The following PLEKHM3 variants were observed in gnomAD, a reference collection of about 807,000 sequenced individuals.
PLEKHM3 encodes pleckstrin homology domain-containing family M member 3.
In PLEKHM3, 45 loss-of-function variants were observed where a neutral mutation model predicts 81.8. The observed-to-expected ratio is 0.55, with a 90% confidence interval of 0.43 to 0.71. The LOEUF (loss-of-function observed/expected upper bound fraction) is 0.71, where lower values mean the gene tolerates loss of function less well. Among genes scored for constraint, PLEKHM3 ranks in the 30% least tolerant of loss-of-function variants. PLEKHM3 has a pLI of 0.00. For missense variants in PLEKHM3, 788 were observed against 924.3 expected, an observed-to-expected ratio of 0.85 and a Z score of 1.91; for synonymous variants, 352 against 356.4, an observed-to-expected ratio of 0.99 and a Z score of 0.14.
chr2:207,872,318 G>A (rs929190375), intron 6 of PLEKHM3, among the ~76,000 whole-genome samples: 1 of 152,170 alleles, frequency 6.6e-6, no homozygotes, highest in Admixed American at 6.5e-5. Context: ...CCCAGGTTTA[G>A]ATCCACAGTT....
intron 2 of PLEKHM3, among the ~76,000 whole-genome samples, chr2:207,982,529 C>T (rs1691566634): frequency 6.6e-6 from 1 of 151,754 alleles, no homozygotes; most frequent in African/African-American, 2.4e-5. Context: ...CTTGGCCTGC[C>T]AAAGTGCTGG....
At chr2:208,024,860 T>C (rs1693274038) in intron 1 of PLEKHM3, among the ~76,000 whole-genome samples, 1 of 152,222 alleles carries the variant, frequency 6.6e-6, no homozygotes, top group East Asian at 1.9e-4. Flanking sequence ...TATATCTCAG[T>C]AGTAATTTAT....
At chr2:207,845,150 G>C (rs921883974) in intron 7 of PLEKHM3, among the ~76,000 whole-genome samples, 10 of 152,166 alleles carry the variant, frequency 6.6e-5, no homozygotes, top group Admixed American at 2.6e-4. Context: ...CAGGGGCTTA[G>C]TAAAAGTGTG....
chr2:207,842,231 G>A (rs1194149375), intron 7 of PLEKHM3, among the ~76,000 whole-genome samples: 2 of 152,162 alleles, frequency 1.3e-5, no homozygotes, highest in African/African-American at 2.4e-5. Flanking sequence ...ACCGCGCCTG[G>A]CCCCCATCTT....
chr2:207,935,789 A>T (rs1689731065), intron 4 of PLEKHM3, among the ~76,000 whole-genome samples: 1 of 152,192 alleles, frequency 6.6e-6, no homozygotes, highest in Non-Finnish European at 1.5e-5. Flanking sequence ...CTATCAGCTT[A>T]TCACTTCATA....
At position 207,911,929 on chromosome 2, in the gene PLEKHM3, A is replaced by G. The variant is rs186169343; in HGVS notation, c.1887-3352T>C. Among the ~76,000 whole-genome samples, 116 of 152,320 alleles carry G rather than the reference A, an allele frequency of 7.6e-4. 1 individual carries two copies. The Middle Eastern group carries it at 0.017, about 22-fold the overall frequency. Reference sequence around the variant, plus strand: ...AAAGTCCTTTCTGCTTTAAAATTCTAAAACTTTTATGATTAGGGATATACA... The same window carrying G: ...AAAGTCCTTTCTGCTTTAAAATTCTGAAACTTTTATGATTAGGGATATACA... On this transcript the variant is annotated intron_variant, in intron 5 of 7. Transcript: ENST00000427836.
rs150268878 is a variant in PLEKHM3, at chr2:207,917,662, T to C, written c.1887-9085A>G. On this transcript the variant is annotated intron_variant, in intron 5 of 7. Coordinates refer to ENST00000427836, the MANE Select transcript of PLEKHM3 (RefSeq NM_001080475.3). ...TTTGAGAGGAGCCCTAGCAACATAG[T>C]GAGACTCTGTCTCTACAAAAACAAA... Among the ~76,000 whole-genome samples the C allele has an allele frequency of 9.2e-5, 14 of 152,142 alleles. No individual in the cohort carries two copies. In the East Asian group the frequency reaches 2.7e-3, roughly 29 times the overall value.
At chr2:208,006,928 T>C (rs901669785) in intron 1 of PLEKHM3, among the ~76,000 whole-genome samples, 1 of 152,202 alleles carries the variant, frequency 6.6e-6, no homozygotes, top group African/African-American at 2.4e-5. Context: ...AAGAAATCTG[T>C]TTTTTACATG....
intron 6 of PLEKHM3, among the ~76,000 whole-genome samples, chr2:207,889,652 G>C (rs922741932): frequency 6.6e-6 from 1 of 152,062 alleles, no homozygotes; most frequent in Admixed American, 6.6e-5. Context: ...TGGAAGAGGT[G>C]GGGGTGGAAA....
At chr2:207,886,129 A>AT (rs1687878126) in intron 6 of PLEKHM3, among the ~76,000 whole-genome samples, 1 of 152,312 alleles carries the variant, frequency 6.6e-6, no homozygotes, top group East Asian at 1.9e-4. Context: ...AAAAAAGGGG[A>AT]TTTTAACACC....
intron 7 of PLEKHM3, among the ~76,000 whole-genome samples, chr2:207,840,433 T>C (rs1465241515): frequency 6.6e-6 from 1 of 152,172 alleles, no homozygotes; most frequent in Non-Finnish European, 1.5e-5. Flanking sequence ...CTGGCCTCAA[T>C]GGATCTCCTG....
At chr2:207,922,736 C>T (rs919532175) in intron 5 of PLEKHM3, among the ~76,000 whole-genome samples, 6 of 151,792 alleles carry the variant, frequency 4.0e-5, no homozygotes, top group East Asian at 1.9e-4. Context: ...GGTGTGAACC[C>T]GGGAGGCAGA....
At chr2:207,882,542 G>A (rs915773611) in intron 6 of PLEKHM3, among the ~76,000 whole-genome samples, 19 of 147,698 alleles carry the variant, frequency 1.3e-4, no homozygotes, top group African/African-American at 4.8e-4. Context: ...AACCCGGGAG[G>A]CAGAGGTTGC....
intron 3 of PLEKHM3, among the ~76,000 whole-genome samples, chr2:207,954,634 T>C (rs1226999601): frequency 6.6e-6 from 1 of 152,204 alleles, no homozygotes; most frequent in Non-Finnish European, 1.5e-5. Flanking sequence ...GAATACTAAT[T>C]GGTTTAAAAT....
At chr2:207,986,739 T>C (rs1440722304) in intron 2 of PLEKHM3, among the ~76,000 whole-genome samples, 3 of 151,322 alleles carry the variant, frequency 2.0e-5, no homozygotes, top group African/African-American at 7.3e-5. Flanking sequence ...GGCATGATCA[T>C]GGCTCACGGC....
chr2:207,878,186 C>A (rs2092568891), intron 6 of PLEKHM3, among the ~76,000 whole-genome samples: 1 of 152,166 alleles, frequency 6.6e-6, no homozygotes, highest in Non-Finnish European at 1.5e-5. Flanking sequence ...GATCCTCCTG[C>A]CTTGGCCTCC....
intron 6 of PLEKHM3, among the ~76,000 whole-genome samples, chr2:207,875,052 T>A (rs1055564876): frequency 1.1e-4 from 17 of 152,022 alleles, no homozygotes; most frequent in African/African-American, 4.1e-4. Context: ...TAATCTTAGA[T>A]GCTATAAAAA....
intron 6 of PLEKHM3, among the ~76,000 whole-genome samples, chr2:207,879,457 G>C (rs1369922892): frequency 6.6e-6 from 1 of 152,222 alleles, no homozygotes; most frequent in East Asian, 1.9e-4. Context: ...GCCTTTCCAA[G>C]TGCATTCAAC....
In PLEKHM3 at chr2:207,941,459, AC is replaced by A. The variant is rs796857958; in HGVS notation, c.1692+4907del. Among the ~76,000 whole-genome samples, 575 of 152,340 alleles carry A rather than the reference AC, an allele frequency of 3.8e-3. 3 individuals carry two copies. Among genetic ancestry groups the A allele is most frequent in the Middle Eastern group, 0.014 (4 of 294 alleles). ...ATGAAACTAGACCCCCTCAGGATAT[AC>A]AAAAATCAAATAAAAATGTATTACA... is the stretch of plus-strand genomic sequence containing the variant. On this transcript the variant is annotated intron_variant, in intron 4 of 7. Transcript: ENST00000427836.
Sources: gnomAD v4.1 joint callset for allele counts (sites outside exome capture counted in the v4.1 genomes callset) on GRCh38, gnomAD v4.1.1 for gene constraint, MANE v1.5 for transcripts, NCBI Gene and HGNC (gene_info 2026-07-23, HGNC 2026-07-21) for gene names.